Variants in MT1H observed in about 807,000 individuals in gnomAD.
MT1H encodes metallothionein-1H.
MT1H carries 8 observed loss-of-function variants against 8.7 expected under a neutral mutation model. That is an observed-to-expected ratio of 0.92 (90% CI 0.54 to 1.66). MT1H has a LOEUF of 1.66. MT1H is among the 40% of genes most tolerant of loss of function. The pLI is 0.00. For missense variants in MT1H, 84 were observed against 75.2 expected, an observed-to-expected ratio of 1.12 and a Z score of -0.43; for synonymous variants, 32 against 28.9, an observed-to-expected ratio of 1.11 and a Z score of -0.34.
In MT1H at chr16:56,671,027, A is replaced by C; in HGVS notation, c.*38A>C. 1.3e-6 allele frequency: 2 copies of C among 1,592,472 alleles called. No individual in the cohort carries two copies. Among genetic ancestry groups the C allele is most frequent in the South Asian group, 1.2e-5 (1 of 86,602 alleles). On this transcript the variant is annotated 3_prime_UTR_variant, in exon 3 of 3. Coordinates refer to ENST00000332374, the MANE Select transcript of MT1H (RefSeq NM_005951.2). ...CCTGCTGTCAGATGAAAACAGAATG[A>C]CACGTAAAATCCAGGATTTTTTTTT...
rs755679263 is a variant in MT1H at position 56,670,907 on chromosome 16, C to T, written c.104C>T (p.Ser35Phe). The T allele has an allele frequency of 1.4e-5, 22 of 1,614,050 alleles. No homozygotes were observed. Among genetic ancestry groups the T allele is most frequent in the Non-Finnish European group, 1.8e-5 (21 of 1,180,016 alleles). Reference protein sequence around the residue: ...KCTSCKKSCCSCCPLGCAKCA... With the variant: ...KCTSCKKSCCFCCPLGCAKCA... ...CTCCCTTTTTCCCCAGGCTGCTGCT[C>T]CTGTTGCCCCCTGGGCTGTGCCAAG... Residue 35 changes from serine (S) to phenylalanine (F), a missense_variant, in exon 3 of 3, where the codon TCC becomes TTC. Transcript: ENST00000332374.
intron 1 of MT1H, 97 bp downstream of exon 1, chr16:56,670,009 G>C: frequency 6.5e-7 from 1 of 1,534,770 alleles, no homozygotes; most frequent in Non-Finnish European, 8.9e-7. Context: ...TGCGATCTGA[G>C]CTGAAGAGGA....
intron 1 of MT1H, 125 bp from the exon 2 acceptor site, chr16:56,670,381 C>T: frequency 1.4e-6 from 2 of 1,406,318 alleles, no homozygotes; most frequent in East Asian, 4.6e-5. Flanking sequence ...TCTTCTTCTG[C>T]TGAGTGGGAA....
chr16:56,670,830 G>C (rs1460738690), intron 2 of MT1H, 68 bp from the exon 3 acceptor site: 9 of 1,601,104 alleles, frequency 5.6e-6, no homozygotes, highest in Non-Finnish European at 7.7e-6. Context: ...GCTTGAGCCA[G>C]GCCTGCTGTT....
chr16:56,670,844 A>AGAGGG (rs763092909), intron 2 of MT1H, 54 bp from the exon 3 acceptor site: 65 of 1,608,154 alleles, frequency 4.0e-5, no homozygotes, highest in African/African-American at 6.7e-5. Flanking sequence ...TGCTGTTGGG[A>AGAGGG]GAGGGAGCTC....
rs778140924 is a variant in MT1H, at chr16:56,670,993, C to G, written c.*4C>G. 6.2e-7 allele frequency: 1 copy of G among 1,613,810 alleles called. No individual in the cohort carries two copies. ...GAAGTGCAGCTGCTGTGCCTGATGT[C>G]GGGACAGCCCTGCTGTCAGATGAAA... is the stretch of plus-strand genomic sequence containing the variant. On this transcript the variant is annotated 3_prime_UTR_variant, in exon 3 of 3. Transcript: ENST00000332374.
Position 56,669,835 on chromosome 16 carries a change from A to G in MT1H, c.-50A>G. 4 of 1,613,962 alleles carry G rather than the reference A, an allele frequency of 2.5e-6. No homozygotes were observed. Among genetic ancestry groups the G allele is most frequent in the African/African-American group, 1.3e-5 (1 of 75,042 alleles). The stretch of plus-strand genomic sequence containing the variant: ...CTCCACCACGCCCTCCACGTGTTCC[A>G]CTGCCTCTTCTCTTCTCGCTTGGGA... On this transcript the variant is annotated 5_prime_UTR_variant, in exon 1 of 3. Coordinates refer to ENST00000332374, the MANE Select transcript of MT1H (RefSeq NM_005951.2).
At position 56,670,999 on chromosome 16, in the gene MT1H, A is replaced by G. The variant is rs1960866347; in HGVS notation, c.*10A>G. ...CAGCTGCTGTGCCTGATGTCGGGAC[A>G]GCCCTGCTGTCAGATGAAAACAGAA... is the stretch of plus-strand genomic sequence containing the variant. On this transcript the variant is annotated 3_prime_UTR_variant, in exon 3 of 3. Transcript: ENST00000332374. 1 of 1,611,742 alleles carries G rather than the reference A, an allele frequency of 6.2e-7. No homozygotes were observed. The highest frequency in any genetic ancestry group is 8.5e-7 in the Non-Finnish European group (1 of 1,179,474).
rs553419025 is a variant in MT1H at position 56,670,917 on chromosome 16, C to A, written c.114C>A (p.Pro38=). 1.5e-5 allele frequency: 25 copies of A among 1,614,084 alleles called. No homozygotes were observed. In the Admixed American group the frequency reaches 4.2e-4, roughly 27 times the overall value. ...SCKKSCCSCC[P]LGCAKCAQGC... ...CCCCAGGCTGCTGCTCCTGTTGCCC[C>A]CTGGGCTGTGCCAAGTGTGCCCAGG... Residue 38 remains proline, a synonymous_variant, in exon 3 of 3, where the codon CCC becomes CCA. Coordinates refer to ENST00000332374, the MANE Select transcript of MT1H (RefSeq NM_005951.2).
intron 1 of MT1H, among the ~76,000 whole-genome samples, chr16:56,670,305 T>C (rs2062546): frequency 6.6e-6 from 1 of 151,962 alleles, no homozygotes; most frequent in Non-Finnish European, 1.5e-5. Flanking sequence ...GCCTGGGACT[T>C]ACCTTTGGAA....
rs756494860 is a variant in MT1H, at chr16:56,670,533, G to T, written c.56G>T (p.Cys19Phe). The T allele has an allele frequency of 1.2e-6, 2 of 1,614,132 alleles. No homozygotes were observed. The highest frequency in any genetic ancestry group is 1.3e-5 in the African/African-American group (1 of 74,954). ...GGCTCCTGCGCCTGCGCCGGCTCCT[G>T]CAAGTGCAAAAAGTGCAAATGCACC... ...AGGSCACAGS[C>F]KCKKCKCTSC... Residue 19 changes from cysteine to phenylalanine, a missense_variant, in exon 2 of 3, where the codon TGC becomes TTC. Physicochemically the swap from Cys to Phe is radical, Grantham distance 205. Coordinates refer to ENST00000332374, the MANE Select transcript of MT1H (RefSeq NM_005951.2).
Position 56,671,118 on chromosome 16 carries a change from A to G in MT1H, c.*129A>G. 1 of 1,294,854 alleles carries G rather than the reference A, an allele frequency of 7.7e-7. No homozygotes were observed. Among genetic ancestry groups the G allele is most frequent in the Non-Finnish European group, 1.0e-6 (1 of 956,228 alleles). The allele number at this position is 1,294,854 out of a possible 1,614,324, so 80.2% of individuals were successfully genotyped here. ...TGAAATATGTGAATAATAATTAAAC[A>G]CTTAGACTTGATTCCCGTTCTGGTT... On this transcript the variant is annotated 3_prime_UTR_variant, in exon 3 of 3. Coordinates refer to ENST00000332374, the MANE Select transcript of MT1H (RefSeq NM_005951.2).
In MT1H at chr16:56,670,970, A is replaced by C; in HGVS notation, c.167A>C (p.Lys56Thr). Residue 56 changes from lysine (K) to threonine (T), a missense_variant, in exon 3 of 3, where the codon AAG becomes ACG. Lys to Thr is a moderately conservative substitution (Grantham distance 78). Coordinates refer to ENST00000332374, the MANE Select transcript of MT1H (RefSeq NM_005951.2). ...TGCATCTGCAAAGGGGCGTCAGAGA[A>C]GTGCAGCTGCTGTGCCTGATGTCGG... Reference protein sequence around the residue: ...QGCICKGASEKCSCCA With the variant: ...QGCICKGASETCSCCA 3 of 1,614,256 alleles carry C rather than the reference A, an allele frequency of 1.9e-6. No individual in the cohort carries two copies. Among genetic ancestry groups the C allele is most frequent in the Non-Finnish European group, 2.5e-6 (3 of 1,180,044 alleles).
chr16:56,670,002 G>C (rs4784708), intron 1 of MT1H, 90 bp downstream of exon 1: 80,312 of 1,562,122 alleles, frequency 0.051, 2,399 homozygotes, highest in Non-Finnish European at 0.061. Context: ...CATATTTTGC[G>C]ATCTGAGCTG....
At chr16:56,670,029 T>C in intron 1 of MT1H, 117 bp downstream of exon 1, 1 of 1,385,082 alleles carries the variant, frequency 7.2e-7, no homozygotes, top group Non-Finnish European at 1.0e-6. Context: ...ACTTCTTTAC[T>C]TCCTCCGCTG....
chr16:56,670,427 G>A, intron 1 of MT1H, 79 bp from the exon 2 acceptor site: 1 of 1,597,872 alleles, frequency 6.3e-7, no homozygotes, highest in Admixed American at 1.7e-5. Context: ...CAGAGAAGGG[G>A]GAAGTGGACA....
At position 56,670,926 on chromosome 16, in the gene MT1H, T is replaced by TGCCAAGTGTGCCCAGGGCTGC. The variant is rs1180375152; in HGVS notation, c.124_144dup (p.Ala42_Cys48dup). 4.3e-6 allele frequency: 7 copies of TGCCAAGTGTGCCCAGGGCTGC among 1,614,232 alleles called. No individual in the cohort carries two copies. Among genetic ancestry groups the TGCCAAGTGTGCCCAGGGCTGC allele is most frequent in the Non-Finnish European group, 5.9e-6 (7 of 1,180,036 alleles). On this transcript the variant is annotated inframe_insertion, in exon 3 of 3. Coordinates refer to ENST00000332374, the MANE Select transcript of MT1H (RefSeq NM_005951.2). ...GCTGCTCCTGTTGCCCCCTGGGCTG[T>TGCCAAGTGTGCCCAGGGCTGC]GCCAAGTGTGCCCAGGGCTGCATCT...
Position 56,669,922 on chromosome 16 carries a change from G to A in MT1H, c.28+10G>A, listed in dbSNP as rs370540950. The A allele has an allele frequency of 1.1e-5, 17 of 1,613,720 alleles. No individual in the cohort carries two copies. The highest frequency in any genetic ancestry group is 2.2e-5 in the East Asian group (1 of 44,892). On this transcript the variant is annotated intron_variant, in intron 1 of 2. Transcript: ENST00000332374. ...TGCTCCTGCGAGGCTGGTAAGGAACGCCCGGGTTCTGTGCCTTAGGATGCC... is the reference window on the plus strand; with the variant it reads ...TGCTCCTGCGAGGCTGGTAAGGAACACCCGGGTTCTGTGCCTTAGGATGCC...
intron 1 of MT1H, 135 bp downstream of exon 1, chr16:56,670,047 C>A: frequency 8.0e-7 from 1 of 1,250,244 alleles, no homozygotes; most frequent in Non-Finnish European, 1.1e-6. Context: ...CTGCTTTCCT[C>A]TTGGCCAAGC....
Sources: gnomAD v4.1 joint callset for allele counts (sites outside exome capture counted in the v4.1 genomes callset) on GRCh38, gnomAD v4.1.1 for gene constraint, MANE v1.5 for transcripts, NCBI Gene and HGNC (gene_info 2026-07-23, HGNC 2026-07-21) for gene names.